The following TSPAN13 variants were observed in gnomAD, a reference collection of about 807,000 sequenced individuals.
The protein encoded by TSPAN13 is tetraspanin-13.
In TSPAN13, 18 loss-of-function variants were observed where a neutral mutation model predicts 26.9. That is an observed-to-expected ratio of 0.67 (90% CI 0.46 to 0.99). The LOEUF is 0.99. TSPAN13 is among the 50% of genes least tolerant of loss of function. The pLI, the probability that TSPAN13 is intolerant of heterozygous loss-of-function variation, is 0.00. For synonymous variants in TSPAN13, 116 were observed against 98.4 expected, an observed-to-expected ratio of 1.18 and a Z score of -1.06; for missense variants, 201 against 249.6, an observed-to-expected ratio of 0.81 and a Z score of 1.31.
At chr7:16,777,737 C>A in intron 3 of TSPAN13, 61 bp from the exon 4 acceptor site, 1 of 1,293,678 alleles carries the variant, frequency 7.7e-7, no homozygotes, top group Non-Finnish European at 1.1e-6. Flanking sequence ...AAGTTACAGG[C>A]TCCAGCTTTA....
chr7:16,782,007 T>C, intron 5 of TSPAN13, among the ~76,000 whole-genome samples: 1 of 152,194 alleles, frequency 6.6e-6, no homozygotes. Context: ...ACCTGTGTGA[T>C]TATTTTGTTT....
rs1051723525 is a variant in TSPAN13 at position 16,755,776 on chromosome 7, A to G, written c.63+1746A>G. On this transcript the variant is annotated intron_variant, in intron 1 of 5. Transcript: ENST00000262067. ...TAAAAAGGCAAGTTATTTTAAAATGAAGTTCCTTGCTTTCTAGACATCATT... is the reference window on the plus strand; with the variant it reads ...TAAAAAGGCAAGTTATTTTAAAATGGAGTTCCTTGCTTTCTAGACATCATT... Among the ~76,000 whole-genome samples the G allele has an allele frequency of 3.3e-5, 5 of 152,286 alleles. No homozygotes were observed. The South Asian group carries it at 1.0e-3, about 32-fold the overall frequency.
intron 1 of TSPAN13, among the ~76,000 whole-genome samples, chr7:16,770,333 G>A (rs938862259): frequency 1.4e-4 from 22 of 151,944 alleles, no homozygotes; most frequent in Admixed American, 2.6e-4. Context: ...AGCCTCCCAA[G>A]TAGCTGGGAT....
intron 1 of TSPAN13, among the ~76,000 whole-genome samples, chr7:16,765,223 C>T (rs1286768544): frequency 6.6e-6 from 1 of 152,120 alleles, no homozygotes; most frequent in Non-Finnish European, 1.5e-5. Context: ...AGTCAGTCTC[C>T]CAAGTAGCTG....
chr7:16,767,982 G>A (rs1236990594), intron 1 of TSPAN13, among the ~76,000 whole-genome samples: 2 of 151,892 alleles, frequency 1.3e-5, no homozygotes, highest in Admixed American at 6.6e-5. Flanking sequence ...GCACCATCTC[G>A]GCCCACTGCA....
At position 16,753,794 on chromosome 7, in the gene TSPAN13, CGAG is replaced by C. The variant is rs1445495556; in HGVS notation, c.-173_-171del. On this transcript the variant is annotated 5_prime_UTR_variant, in exon 1 of 6. Coordinates refer to ENST00000262067, the MANE Select transcript of TSPAN13 (RefSeq NM_014399.4). ...GCGGCCGCAGGTTCCAAAGCGGGTC[CGAG>C]CCGCCGCCGCGCGCGCGCCGCGCAC... 7.8e-6 allele frequency: 4 copies of C among 511,388 alleles called. No homozygotes were observed. Among genetic ancestry groups the C allele is most frequent in the Non-Finnish European group, 1.3e-5 (4 of 304,124 alleles). 31.7% of individuals were successfully genotyped at this position (511,388 alleles called of 1,614,324 possible).
intron 1 of TSPAN13, among the ~76,000 whole-genome samples, chr7:16,773,352 A>C (rs1784704798): frequency 6.8e-6 from 1 of 147,420 alleles, no homozygotes. Context: ...AAAAAAAAAA[A>C]GGAGGAATGA....
chr7:16,760,032 T>C (rs190390573), intron 1 of TSPAN13, among the ~76,000 whole-genome samples: 134 of 152,096 alleles, frequency 8.8e-4, no homozygotes, highest in African/African-American at 3.1e-3. Flanking sequence ...GAGTCAAATA[T>C]GAGTGGGACA....
chr7:16,769,366 G>A (rs1160767343), intron 1 of TSPAN13, among the ~76,000 whole-genome samples: 2 of 152,190 alleles, frequency 1.3e-5, no homozygotes, highest in Non-Finnish European at 2.9e-5. Flanking sequence ...TCTGGTGACA[G>A]TGCAGCTGGG....
At chr7:16,776,736 T>TTAAAAAATTAAAAAA (rs1784754128) in intron 2 of TSPAN13, among the ~76,000 whole-genome samples, 1 of 152,228 alleles carries the variant, frequency 6.6e-6, no homozygotes, top group South Asian at 2.1e-4. Context: ...TTAAAAAAGC[T>TTAAAAAATTAAAAAA]TACATGTATT....
At chr7:16,780,095 T>A (rs1784798940) in intron 5 of TSPAN13, among the ~76,000 whole-genome samples, 1 of 150,038 alleles carries the variant, frequency 6.7e-6, no homozygotes. Flanking sequence ...TATTTTTATT[T>A]ATTTATTTTA....
chr7:16,773,337 T>TAA (rs34398039), intron 1 of TSPAN13, among the ~76,000 whole-genome samples: 18 of 143,432 alleles, frequency 1.3e-4, no homozygotes, highest in South Asian at 2.2e-4. Context: ...TTTTGAATGT[T>TAA]AAAAAAAAAA....
intron 1 of TSPAN13, among the ~76,000 whole-genome samples, chr7:16,773,025 A>G (rs564928167): frequency 2.4e-4 from 36 of 152,078 alleles, no homozygotes; most frequent in Non-Finnish European, 5.1e-4. Context: ...AAAAATAAAT[A>G]AATAATAAAT....
rs896564568 is a variant in TSPAN13 at position 16,765,869 on chromosome 7, C to G, written c.64-10342C>G. Among the ~76,000 whole-genome samples, 4 of 152,176 alleles carry G rather than the reference C, an allele frequency of 2.6e-5. No individual in the cohort carries two copies. In the East Asian group the frequency reaches 7.7e-4, roughly 29 times the overall value. On this transcript the variant is annotated intron_variant, in intron 1 of 5. Coordinates refer to ENST00000262067, the MANE Select transcript of TSPAN13 (RefSeq NM_014399.4). ...TTGGAGTTCCTTTGTCTAGCAAGTTCTAGTGACAAACCTAGGCTTTTTAAT... is the reference window on the plus strand; with the variant it reads ...TTGGAGTTCCTTTGTCTAGCAAGTTGTAGTGACAAACCTAGGCTTTTTAAT...
At chr7:16,757,969 G>A (rs1784500073) in intron 1 of TSPAN13, among the ~76,000 whole-genome samples, 1 of 152,110 alleles carries the variant, frequency 6.6e-6, no homozygotes, top group Non-Finnish European at 1.5e-5. Flanking sequence ...GAGTAGTTGG[G>A]ATTACAGGTG....
chr7:16,770,739 G>A (rs984784731), intron 1 of TSPAN13, among the ~76,000 whole-genome samples: 1 of 152,086 alleles, frequency 6.6e-6, no homozygotes, highest in Non-Finnish European at 1.5e-5. Flanking sequence ...TCCCTCCTGA[G>A]CAAATTTTGG....
chr7:16,762,242 C>T (rs1422815402), intron 1 of TSPAN13, among the ~76,000 whole-genome samples: 2 of 152,148 alleles, frequency 1.3e-5, no homozygotes, highest in African/African-American at 2.4e-5. Flanking sequence ...GGAGAATTAG[C>T]GTTTCCTTGT....
At chr7:16,779,850 C>T (rs1784795142) in intron 5 of TSPAN13, among the ~76,000 whole-genome samples, 1 of 151,256 alleles carries the variant, frequency 6.6e-6, no homozygotes, top group Admixed American at 6.6e-5. Context: ...TGGCTCACTG[C>T]AAGCTCCGCC....
intron 1 of TSPAN13, among the ~76,000 whole-genome samples, chr7:16,764,884 AGTT>A (rs1784588295): frequency 6.6e-6 from 1 of 151,918 alleles, no homozygotes; most frequent in African/African-American, 2.4e-5. Flanking sequence ...CTGGCCAGGT[AGTT>A]TAGTGCCATG....
Sources: gnomAD v4.1 joint callset for allele counts (sites outside exome capture counted in the v4.1 genomes callset) on GRCh38, gnomAD v4.1.1 for gene constraint, MANE v1.5 for transcripts, NCBI Gene and HGNC (gene_info 2026-07-23, HGNC 2026-07-21) for gene names.